Variants in FIG4 observed in about 807,000 individuals in gnomAD.
FIG4 encodes the protein FIG4 phosphoinositide 5-phosphatase.
A neutral mutation model predicts 118.6 loss-of-function variants in FIG4; 112 were observed. The ratio of observed to expected loss-of-function variants is 0.94; its 90% CI spans 0.81 to 1.11. The LOEUF is 1.11. Ranked by LOEUF, FIG4 falls within the 50% of genes least tolerant of loss-of-function variation. The pLI is 0.00. For synonymous variants in FIG4, 369 were observed against 381.2 expected, an observed-to-expected ratio of 0.97 and a Z score of 0.37; for missense variants, 969 against 1,111.7, an observed-to-expected ratio of 0.87 and a Z score of 1.83.
intron 16 of FIG4, among the ~76,000 whole-genome samples, chr6:109,783,680 C>T (rs1562681903): frequency 6.6e-6 from 1 of 152,212 alleles, no homozygotes; most frequent in Non-Finnish European, 1.5e-5. Flanking sequence ...CTGTTCTTCT[C>T]ATATTCAAAG....
At chr6:109,727,458 A>G (rs1775857529) in intron 4 of FIG4, among the ~76,000 whole-genome samples, 193 bp downstream of exon 4, 1 of 152,176 alleles carries the variant, frequency 6.6e-6, no homozygotes, top group Non-Finnish European at 1.5e-5. Flanking sequence ...AATGTTATGT[A>G]AAAAGATCAA....
At position 109,814,261 on chromosome 6, in the gene FIG4, C is replaced by T. The variant is rs138085149; in HGVS notation, c.2547-10827C>T. ...TCAAGCGATACTCCCACCTCAACTT[C>T]CCAACTAGCTGGGCCCACAAGCACA... On this transcript the variant is annotated intron_variant, in intron 22 of 22. Transcript: ENST00000230124. 3.9e-3 allele frequency among the ~76,000 whole-genome samples: 592 copies of T among 152,144 alleles called. 5 individuals are homozygous for T. The highest frequency in any genetic ancestry group is 0.014 in the African/African-American group (569 of 41,510).
intron 8 of FIG4, among the ~76,000 whole-genome samples, chr6:109,741,907 C>T (rs1776336001): frequency 6.6e-6 from 1 of 151,988 alleles, no homozygotes; most frequent in African/African-American, 2.4e-5. Context: ...AAGGTCTGCA[C>T]GTATTCAGTT....
chr6:109,726,915 A>AT (rs1775836620), intron 3 of FIG4, among the ~76,000 whole-genome samples, 194 bp from the exon 4 acceptor site: 1 of 151,934 alleles, frequency 6.6e-6, no homozygotes, highest in African/African-American at 2.4e-5. Context: ...TTAGAGTAAT[A>AT]TTTTTAAGTG....
intron 22 of FIG4, among the ~76,000 whole-genome samples, chr6:109,801,425 A>G (rs1228257848): frequency 2.0e-5 from 3 of 152,046 alleles, no homozygotes; most frequent in African/African-American, 7.2e-5. Flanking sequence ...GCAGGCGCCT[A>G]TAATCCCAGC....
At chr6:109,707,669 A>T (rs930506040) in intron 1 of FIG4, among the ~76,000 whole-genome samples, 2 of 151,680 alleles carry the variant, frequency 1.3e-5, no homozygotes, top group African/African-American at 2.4e-5. Flanking sequence ...CTGATTTCCT[A>T]TGGTCTACAT....
chr6:109,731,036 A>G (rs1450250237), intron 4 of FIG4, among the ~76,000 whole-genome samples: 1 of 152,194 alleles, frequency 6.6e-6, no homozygotes, highest in East Asian at 1.9e-4. Flanking sequence ...AAAAAAATAC[A>G]ACATAACTGA....
intron 15 of FIG4, among the ~76,000 whole-genome samples, chr6:109,767,826 C>T (rs1370572192): frequency 5.3e-5 from 8 of 151,932 alleles, no homozygotes; most frequent in Non-Finnish European, 7.4e-5. Context: ...GAGCCGAGAT[C>T]GCGCCACTGC....
At chr6:109,815,495 G>GCC (rs112617514) in intron 22 of FIG4, among the ~76,000 whole-genome samples, 1,694 of 89,216 alleles carry the variant, frequency 0.019, 69 homozygotes, top group African/African-American at 0.056. Flanking sequence ...ACTCCAGGCT[G>GCC]CCCCCCCCAC....
chr6:109,790,201 C>T (rs1778099388), intron 19 of FIG4, among the ~76,000 whole-genome samples: 2 of 152,208 alleles, frequency 1.3e-5, no homozygotes, highest in East Asian at 3.8e-4. Flanking sequence ...TTCCCTTCCA[C>T]TGACCTGCCT....
At chr6:109,708,351 C>A (rs1272523290) in intron 1 of FIG4, among the ~76,000 whole-genome samples, 2 of 152,196 alleles carry the variant, frequency 1.3e-5, no homozygotes, top group East Asian at 3.8e-4. Context: ...ACCACATTTT[C>A]TTTATCCAGT....
intron 1 of FIG4, among the ~76,000 whole-genome samples, chr6:109,714,725 T>C (rs1775374199): frequency 6.6e-6 from 1 of 152,228 alleles, no homozygotes; most frequent in Non-Finnish European, 1.5e-5. Context: ...TAATTATATG[T>C]TGAGCTTTAG....
chr6:109,746,904 T>C (rs922912951), intron 10 of FIG4, among the ~76,000 whole-genome samples: 4 of 151,042 alleles, frequency 2.6e-5, no homozygotes, highest in African/African-American at 7.3e-5. Context: ...GTCAGTAGAG[T>C]TGGTGATGGG....
At chr6:109,726,988 C>T in intron 3 of FIG4, 121 bp from the exon 4 acceptor site, 2 of 797,652 alleles carry the variant, frequency 2.5e-6, no homozygotes, top group Non-Finnish European at 4.3e-6. Context: ...ATTTGTATGG[C>T]TATAAATCAT....
In FIG4 at chr6:109,743,156, C is replaced by A. The variant is rs180689715; in HGVS notation, c.923C>A (p.Ala308Asp). Reference sequence around the variant, plus strand: ...GAGACTGAACAAATACTCTGCGATGCTTCTGTGATGTCTTTCACTGCAGGA... The same window carrying A: ...GAGACTGAACAAATACTCTGCGATGATTCTGTGATGTCTTTCACTGCAGGA... Reference protein sequence around the residue: ...EVETEQILCDASVMSFTAGSY... With the variant: ...EVETEQILCDDSVMSFTAGSY... The change falls in exon 9 of 23, where the codon GCT becomes GAT. Residue 308 changes from alanine to aspartate, a missense_variant. Coordinates refer to ENST00000230124, the MANE Select transcript of FIG4 (RefSeq NM_014845.6). 6.2e-7 allele frequency: 1 copy of A among 1,612,916 alleles called. No homozygotes were observed. Among genetic ancestry groups the A allele is most frequent in the East Asian group, 2.2e-5 (1 of 44,802 alleles).
intron 22 of FIG4, among the ~76,000 whole-genome samples, chr6:109,815,706 A>C (rs1415973965): frequency 6.6e-6 from 1 of 151,868 alleles, no homozygotes; most frequent in Non-Finnish European, 1.5e-5. Flanking sequence ...CCAACAGCTG[A>C]ATTTTTCATT....
chr6:109,718,415 A>G (rs952198867), intron 3 of FIG4, among the ~76,000 whole-genome samples: 3 of 152,152 alleles, frequency 2.0e-5, no homozygotes, highest in African/African-American at 4.8e-5. Context: ...ACTATGCTAT[A>G]TGTTTTTCAG....
intron 4 of FIG4, among the ~76,000 whole-genome samples, chr6:109,731,564 G>C (rs1007813252): frequency 6.6e-6 from 1 of 152,110 alleles, no homozygotes; most frequent in African/African-American, 2.4e-5. Context: ...AACTGTGTCT[G>C]TACTGAACAT....
intron 10 of FIG4, among the ~76,000 whole-genome samples, chr6:109,758,033 G>A (rs1208844858): frequency 6.6e-6 from 1 of 152,114 alleles, no homozygotes; most frequent in Non-Finnish European, 1.5e-5. Context: ...TGGCCATACT[G>A]CCCAAAGTAA....
Sources: gnomAD v4.1 joint callset for allele counts (sites outside exome capture counted in the v4.1 genomes callset) on GRCh38, gnomAD v4.1.1 for gene constraint, MANE v1.5 for transcripts, NCBI Gene and HGNC (gene_info 2026-07-23, HGNC 2026-07-21) for gene names.